Variants in SPTAN1 observed in about 807,000 individuals in gnomAD.
SPTAN1 encodes the protein spectrin alpha, non-erythrocytic 1.
Under a neutral mutation model 331.3 loss-of-function variants are expected in SPTAN1, and 61 were observed. The ratio of observed to expected loss-of-function variants is 0.18; its 90% CI spans 0.15 to 0.23. The LOEUF is 0.23. Ranked by LOEUF, SPTAN1 falls within the 10% of genes least tolerant of loss-of-function variation. The probability of loss-of-function intolerance (pLI) is 1.00; values close to 1 mark genes in which losing one functional copy is unlikely to be tolerated. For missense variants in SPTAN1, 2,043 were observed against 3,147.9 expected (o/e 0.65, Z 8.40); for synonymous variants, 1,153 against 1,173.9 (o/e 0.98, Z 0.36).
chr9:128,559,273 C>T (rs968799665), intron 1 of SPTAN1, among the ~76,000 whole-genome samples: 2 of 152,186 alleles, frequency 1.3e-5, no homozygotes, highest in Non-Finnish European at 2.9e-5. Context: ...TTAATTTCAG[C>T]AGGGCCTTGC....
intron 45 of SPTAN1, among the ~76,000 whole-genome samples, chr9:128,622,456 T>C (rs1858014095): frequency 6.6e-6 from 1 of 151,786 alleles, no homozygotes; most frequent in Non-Finnish European, 1.5e-5. Context: ...TGTGCCACTA[T>C]GCCCGGCTAA....
At chr9:128,602,533 A>G (rs1023343228) in intron 27 of SPTAN1, among the ~76,000 whole-genome samples, 13 of 150,072 alleles carry the variant, frequency 8.7e-5, no homozygotes, top group Non-Finnish European at 1.9e-4. Flanking sequence ...TCTTTACTCA[A>G]AGGGTTGTGA....
intron 39 of SPTAN1, 27 bp downstream of exon 39, chr9:128,612,273 C>T: frequency 1.3e-5 from 21 of 1,614,010 alleles, no homozygotes; most frequent in Non-Finnish European, 1.8e-5. Flanking sequence ...CCTCTTCCTA[C>T]CAGTGGGGGA....
intron 41 of SPTAN1, among the ~76,000 whole-genome samples, chr9:128,617,041 C>T (rs1225885362): frequency 6.6e-6 from 1 of 151,986 alleles, no homozygotes; most frequent in Admixed American, 6.6e-5. Context: ...AGTTTGAGAC[C>T]AGCCTGGGCA....
intron 29 of SPTAN1, 44 bp downstream of exon 29, chr9:128,604,461 T>G: frequency 6.4e-7 from 1 of 1,572,286 alleles, no homozygotes; most frequent in Non-Finnish European, 8.7e-7. Flanking sequence ...AACAGGTGAC[T>G]GCTGGTTTCC....
At chr9:128,630,430 A>G in intron 52 of SPTAN1, 55 bp downstream of exon 52, 3 of 1,576,506 alleles carry the variant, frequency 1.9e-6, no homozygotes, top group East Asian at 4.5e-5. Flanking sequence ...GCCACCCCCC[A>G]GGGTACCCCT....
Position 128,583,895 on chromosome 9 carries a change from G to A in SPTAN1, c.2119G>A (p.Gly707Ser), listed in dbSNP as rs1852248107. 3.7e-6 allele frequency: 6 copies of A among 1,614,090 alleles called. No homozygotes were observed. Among genetic ancestry groups the A allele is most frequent in the Middle Eastern group, 1.6e-4 (1 of 6,084 alleles). ...VEGHLASDDYGKDLTNVQNLQ... is the reference protein window; with the variant it reads ...VEGHLASDDYSKDLTNVQNLQ... ...AGGTCACTTGGCTTCGGATGATTAC[G>A]GCAAAGATCTTACCAATGTGCAGAA... is the stretch of plus-strand genomic sequence containing the variant. The change falls in exon 16 of 57, where the codon GGC becomes AGC. Residue 707 changes from glycine (G) to serine (S), a missense_variant. By Grantham distance (56) the Gly-to-Ser change is moderately conservative. This residue lies in a region of SPTAN1 where 1,038 missense variants were observed against 1,531.5 expected (regional missense o/e 0.68). Coordinates refer to ENST00000372739, the MANE Select transcript of SPTAN1 (RefSeq NM_001130438.3).
chr9:128,632,277 C>T lies in SPTAN1; in HGVS notation c.6913C>T (p.Leu2305=), dbSNP rs747954042. The T allele has an allele frequency of 1.2e-6, 2 of 1,613,510 alleles. No homozygotes were observed. The highest frequency in any genetic ancestry group is 2.2e-5 in the East Asian group (1 of 44,870). Residue 2305 remains leucine (L), a synonymous_variant, in exon 53 of 57, where the codon CTG becomes TTG. Transcript: ENST00000372739. ...LAQQWDQLDQ[L]GMRMQHNLEQ... is the part of the protein sequence containing the mutation. The stretch of plus-strand genomic sequence containing the variant: ...CCAGCAGTGGGACCAGCTGGACCAG[C>T]TGGGCATGCGCATGCAGCACAACCT...
rs946381633 is a variant in SPTAN1 at position 128,564,350 on chromosome 9, C to T, written c.-3-2388C>T. Among the ~76,000 whole-genome samples, 3 of 151,196 alleles carry T rather than the reference C, an allele frequency of 2.0e-5. No homozygotes were observed. In the South Asian group the frequency reaches 6.3e-4, roughly 32 times the overall value. On this transcript the variant is annotated intron_variant, in intron 1 of 56. Coordinates refer to ENST00000372739, the MANE Select transcript of SPTAN1 (RefSeq NM_001130438.3). ...AGGAGAATTGCTTGAACCCGGGATGCAGAGGTTTCAATGAGCCAAGATCAT... is the reference window on the plus strand; with the variant it reads ...AGGAGAATTGCTTGAACCCGGGATGTAGAGGTTTCAATGAGCCAAGATCAT...
intron 29 of SPTAN1, among the ~76,000 whole-genome samples, 178 bp from the exon 30 acceptor site, chr9:128,604,856 G>C (rs983523601): frequency 6.6e-6 from 1 of 152,088 alleles, no homozygotes; most frequent in Non-Finnish European, 1.5e-5. Flanking sequence ...ACTTGAACCC[G>C]GTGGGGGCGG....
chr9:128,589,774 A>C (rs1003727705), intron 21 of SPTAN1, among the ~76,000 whole-genome samples: 2 of 150,510 alleles, frequency 1.3e-5, no homozygotes, highest in African/African-American at 2.5e-5. Context: ...ACGGGGTTTC[A>C]CCGTGTTAGC....
chr9:128,597,694 G>A lies in SPTAN1; in HGVS notation c.3415-706G>A, dbSNP rs532791007. ...GACAGAGTCTTGCTCTGTTGCCCAG[G>A]ATGGAGTGCAGTGGCACGATTTTGG... On this transcript the variant is annotated intron_variant, in intron 24 of 56. Transcript: ENST00000372739. Among the ~76,000 whole-genome samples the A allele has an allele frequency of 9.2e-5, 14 of 152,308 alleles. No homozygotes were observed. The South Asian group carries it at 2.3e-3, about 25-fold the overall frequency.
chr9:128,594,658 C>T (rs1219027065), intron 24 of SPTAN1, among the ~76,000 whole-genome samples: 1 of 151,874 alleles, frequency 6.6e-6, no homozygotes, highest in Non-Finnish European at 1.5e-5. Flanking sequence ...TCTCAAACTC[C>T]TGACCTCAGG....
At chr9:128,593,266 G>T (rs1001913881) in intron 23 of SPTAN1, 6 of 612,298 alleles carry the variant, frequency 9.8e-6, no homozygotes, top group Admixed American at 4.4e-5. Context: ...GCAGCTGTGT[G>T]TTCAGAGTGG....
Position 128,617,774 on chromosome 9 carries a change from C to T in SPTAN1, c.5478+14C>T, listed in dbSNP as rs1345928086. On this transcript the variant is annotated intron_variant, in intron 42 of 56. Transcript: ENST00000372739. ...CCGGCTATTCAGGTAAGGAGGCCGCCTTCTGGCCAAGAGGGCAGAGGTGTT... is the reference window on the plus strand; with the variant it reads ...CCGGCTATTCAGGTAAGGAGGCCGCTTTCTGGCCAAGAGGGCAGAGGTGTT... 6.2e-7 allele frequency: 1 copy of T among 1,613,584 alleles called. No homozygotes were observed. The highest frequency in any genetic ancestry group is 8.5e-7 in the Non-Finnish European group (1 of 1,179,944).
intron 51 of SPTAN1, chr9:128,628,182 T>C (rs771593254): frequency 1.8e-5 from 12 of 682,420 alleles, no homozygotes; most frequent in Middle Eastern, 2.4e-4. Context: ...CACTGGGCGA[T>C]TCCAAGGGCT....
At chr9:128,554,991 G>A (rs960809382) in intron 1 of SPTAN1, among the ~76,000 whole-genome samples, 1 of 152,204 alleles carries the variant, frequency 6.6e-6, no homozygotes, top group African/African-American at 2.4e-5. Flanking sequence ...AGGGGATTTA[G>A]GAATCATCTT....
At position 128,577,445 on chromosome 9, in the gene SPTAN1, A is replaced by T. The variant is rs760519581; in HGVS notation, c.1024A>T (p.Asn342Tyr). The change falls in exon 8 of 57, where the codon AAC becomes TAC. Residue 342 changes from asparagine (N) to tyrosine (Y), a missense_variant. Asn to Tyr is a moderately radical substitution (Grantham distance 143). Around this residue, in one of 12 missense-constraint regions of SPTAN1, gnomAD observed 1,038 missense variants for 1,531.5 expected, o/e 0.68. Transcript: ENST00000372739. This position sits in a 1 kb window ranked among gnomAD's most constrained non-coding sequence, Gnocchi z 4.2. ...AGTGAAGCGAGAGGAACTGATTACA[A>T]ACTGGGAGCAGATCCGCACCTTGGC... The part of the protein sequence containing the change: ...IQVKREELIT[N>Y]WEQIRTLAAE... The T allele has an allele frequency of 1.2e-6, 2 of 1,614,216 alleles. No homozygotes were observed. The highest frequency in any genetic ancestry group is 1.7e-6 in the Non-Finnish European group (2 of 1,180,032).
intron 1 of SPTAN1, among the ~76,000 whole-genome samples, chr9:128,562,449 T>C (rs1234670477): frequency 4.0e-5 from 6 of 151,280 alleles, no homozygotes; most frequent in Admixed American, 6.6e-5. Flanking sequence ...GAGAGGAGAG[T>C]GCACTCCTGG....
Sources: gnomAD v4.1 joint callset for allele counts (sites outside exome capture counted in the v4.1 genomes callset) on GRCh38, gnomAD v4.1.1 for gene constraint, gnomAD v4.1.1 regional missense constraint, Gnocchi (gnomAD v3.1) non-coding constraint, MANE v1.5 for transcripts, NCBI Gene and HGNC (gene_info 2026-07-23, HGNC 2026-07-21) for gene names.